USP25: variants seen among roughly 807,000 people sequenced by gnomAD.
USP25 encodes the protein ubiquitin carboxyl-terminal hydrolase 25.
Under a neutral mutation model 158.5 loss-of-function variants are expected in USP25, and 85 were observed. The observed-to-expected ratio is 0.54, with a 90% CI of 0.45 to 0.64. USP25 has a LOEUF of 0.64. Ranked by LOEUF, USP25 falls within the 30% of genes least tolerant of loss-of-function variation. USP25 has a pLI of 0.00. For synonymous variants in USP25, 464 were observed against 460.4 expected (o/e 1.01, Z -0.10); for missense variants, 1,242 against 1,327.3 (o/e 0.94, Z 1.00).
chr21:15,789,585 T>C (rs1476253583), intron 4 of USP25, among the ~76,000 whole-genome samples: 1 of 152,100 alleles, frequency 6.6e-6, no homozygotes, highest in Non-Finnish European at 1.5e-5. Flanking sequence ...GAATCCTCTT[T>C]TTACATATTG....
intron 9 of USP25, among the ~76,000 whole-genome samples, chr21:15,813,843 A>G (rs903584248): frequency 2.6e-5 from 4 of 151,980 alleles, no homozygotes; most frequent in Admixed American, 2.6e-4. Context: ...TCTAAAAGGG[A>G]TCTTGCTAAG....
chr21:15,748,131 CA>C (rs774139834), intron 1 of USP25, among the ~76,000 whole-genome samples: 18 of 152,204 alleles, frequency 1.2e-4, no homozygotes, highest in Admixed American at 2.6e-4. Flanking sequence ...GAGTAGATGT[CA>C]GAATTTTTCC....
At chr21:15,758,523 C>T (rs938487692) in intron 1 of USP25, among the ~76,000 whole-genome samples, 7 of 152,202 alleles carry the variant, frequency 4.6e-5, no homozygotes, top group African/African-American at 1.7e-4. Context: ...CCCTCCTTCA[C>T]CTTCAGCCGT....
At chr21:15,791,450 C>A in intron 4 of USP25, 52 bp from the exon 5 acceptor site, 1 of 1,482,798 alleles carries the variant, frequency 6.7e-7, no homozygotes, top group South Asian at 1.5e-5. Context: ...TGTGATATGC[C>A]TGGGATATAT....
intron 23 of USP25, among the ~76,000 whole-genome samples, chr21:15,870,511 G>C (rs2146588074): frequency 6.6e-6 from 1 of 152,118 alleles, no homozygotes; most frequent in Non-Finnish European, 1.5e-5. Flanking sequence ...GAAAATTTTT[G>C]TGTACTGTGA....
chr21:15,741,132 A>AT (rs71727540), intron 1 of USP25, among the ~76,000 whole-genome samples: 26 of 148,214 alleles, frequency 1.8e-4, no homozygotes, highest in East Asian at 2.0e-4. Flanking sequence ...TTTATACCAA[A>AT]TTTTTTTTTT....
At chr21:15,842,334 G>T in intron 17 of USP25, 64 bp from the exon 18 acceptor site, 1 of 1,499,488 alleles carries the variant, frequency 6.7e-7, no homozygotes, top group Non-Finnish European at 8.9e-7. Flanking sequence ...ATGAATAAAA[G>T]ATTTATCTTA....
chr21:15,762,492 C>A (rs940755305), intron 1 of USP25, among the ~76,000 whole-genome samples: 6 of 151,898 alleles, frequency 4.0e-5, no homozygotes, highest in African/African-American at 1.5e-4. Flanking sequence ...GTATAATTAC[C>A]CACCGAGTTA....
At chr21:15,736,097 A>G (rs2031487898) in intron 1 of USP25, among the ~76,000 whole-genome samples, 1 of 147,250 alleles carries the variant, frequency 6.8e-6, no homozygotes, top group South Asian at 2.1e-4. Flanking sequence ...TGCTGATCTT[A>G]TTTCCTGCTT....
rs576825853 is a variant in USP25 at position 15,824,502 on chromosome 21, C to G, written c.1208+336C>G. On this transcript the variant is annotated intron_variant, in intron 11 of 25. Coordinates refer to ENST00000400183, the MANE Select transcript of USP25 (RefSeq NM_001283041.3). ...TGTCTGTACTTAATATTGTATCTATCTATCTTTCTGTCTTTCTTTCTGTCT... is the reference window on the plus strand; with the variant it reads ...TGTCTGTACTTAATATTGTATCTATGTATCTTTCTGTCTTTCTTTCTGTCT... 8.6e-4 allele frequency among the ~76,000 whole-genome samples: 130 copies of G among 151,572 alleles called. No homozygotes were observed. The Middle Eastern group carries it at 0.014, about 16-fold the overall frequency.
At chr21:15,815,154 G>A (rs1053515304) in intron 9 of USP25, among the ~76,000 whole-genome samples, 10 of 152,170 alleles carry the variant, frequency 6.6e-5, no homozygotes, top group Admixed American at 2.6e-4. Flanking sequence ...CACCTTCCAC[G>A]TGGTGTTGAG....
intron 1 of USP25, among the ~76,000 whole-genome samples, chr21:15,754,107 G>A (rs1273143987): frequency 1.3e-5 from 2 of 152,150 alleles, no homozygotes; most frequent in African/African-American, 4.8e-5. Context: ...AGTTTTTCAA[G>A]GTTACTCTTG....
chr21:15,822,729 A>G (rs1273373253), intron 10 of USP25, among the ~76,000 whole-genome samples: 1 of 152,032 alleles, frequency 6.6e-6, no homozygotes, highest in Non-Finnish European at 1.5e-5. Flanking sequence ...AACTAACTCA[A>G]AAATTCTTGC....
chr21:15,738,784 G>A (rs2031760110), intron 1 of USP25, among the ~76,000 whole-genome samples: 1 of 152,032 alleles, frequency 6.6e-6, no homozygotes, highest in African/African-American at 2.4e-5. Context: ...GACAGCCCAG[G>A]GCCACACCCT....
At chr21:15,809,992 G>C (rs1470465343) in intron 8 of USP25, among the ~76,000 whole-genome samples, 3 of 152,138 alleles carry the variant, frequency 2.0e-5, no homozygotes, top group Admixed American at 6.5e-5. Context: ...CAGAGGCTGG[G>C]GGGAGGGGGA....
chr21:15,871,810 T>A (rs1387775356), intron 23 of USP25, among the ~76,000 whole-genome samples: 2 of 151,926 alleles, frequency 1.3e-5, no homozygotes, highest in African/African-American at 2.4e-5. Flanking sequence ...AAATCAATAA[T>A]GGTGACAGAT....
At chr21:15,862,464 T>G (rs1040030288) in intron 20 of USP25, among the ~76,000 whole-genome samples, 2 of 152,058 alleles carry the variant, frequency 1.3e-5, no homozygotes, top group Non-Finnish European at 2.9e-5. Flanking sequence ...TGACAATCAT[T>G]ATCGAAGGTT....
chr21:15,852,741 A>G (rs2038943768), intron 20 of USP25, among the ~76,000 whole-genome samples: 1 of 152,154 alleles, frequency 6.6e-6, no homozygotes, highest in African/African-American at 2.4e-5. Flanking sequence ...TTAACCTAAT[A>G]ATTACTATCA....
At chr21:15,872,569 T>A (rs1461380765) in intron 23 of USP25, among the ~76,000 whole-genome samples, 1 of 152,214 alleles carries the variant, frequency 6.6e-6, no homozygotes, top group African/African-American at 2.4e-5. Flanking sequence ...ACTTTTAATA[T>A]TATCACTTCC....
Sources: gnomAD v4.1 joint callset for allele counts (sites outside exome capture counted in the v4.1 genomes callset) on GRCh38, gnomAD v4.1.1 for gene constraint, MANE v1.5 for transcripts, NCBI Gene and HGNC (gene_info 2026-07-23, HGNC 2026-07-21) for gene names.